Variants in KDM1B observed in about 807,000 individuals in gnomAD.
The protein encoded by KDM1B is lysine-specific histone demethylase 2.
A neutral mutation model predicts 107.4 loss-of-function variants in KDM1B; 63 were observed. That is an observed-to-expected ratio of 0.59 (90% CI 0.48 to 0.72). The LOEUF (loss-of-function observed/expected upper bound fraction) is 0.72. Ranked by LOEUF, KDM1B falls within the 30% of genes least tolerant of loss-of-function variation. KDM1B has a pLI of 0.00. For synonymous variants in KDM1B, 363 were observed against 363.9 expected (o/e 1.00, Z 0.03); for missense variants, 749 against 1,020.8 (o/e 0.73, Z 3.63).
intron 7 of KDM1B, among the ~76,000 whole-genome samples, chr6:18,177,328 T>C (rs1278469291): frequency 6.6e-6 from 1 of 152,082 alleles, no homozygotes; most frequent in East Asian, 1.9e-4. Flanking sequence ...TTTTTCTTAA[T>C]GAAGTTATTT....
In KDM1B at chr6:18,172,874, G is replaced by T. The variant is rs923315284; in HGVS notation, c.534+1395G>T. 6.6e-6 allele frequency among the ~76,000 whole-genome samples: 1 copy of T among 152,052 alleles called. No individual in the cohort carries two copies. The highest frequency in any genetic ancestry group is 1.5e-5 in the Non-Finnish European group (1 of 68,024). On this transcript the variant is annotated intron_variant, in intron 7 of 21. Transcript: ENST00000650836. The surrounding 1 kb of genome is among the most constrained non-coding windows in gnomAD (Gnocchi z 5.2). ...GGAGGCCGAGATGGGCGGATCACCCGAGGTCAGGAGTTCAAGACCAGCCTG... is the reference window on the plus strand; with the variant it reads ...GGAGGCCGAGATGGGCGGATCACCCTAGGTCAGGAGTTCAAGACCAGCCTG...
In KDM1B at chr6:18,222,095, G is replaced by A. The variant is rs1582236505; in HGVS notation, c.*103G>A. ...AGGGGGAAAAAACCGTCTCTACATA[G>A]TAAAACTGAAATGTTTCTAAGGCGA... is the stretch of plus-strand genomic sequence containing the variant. On this transcript the variant is annotated 3_prime_UTR_variant, in exon 22 of 22. Coordinates refer to ENST00000650836, the MANE Select transcript of KDM1B (RefSeq NM_001364614.2). 2.0e-6 allele frequency: 2 copies of A among 1,011,608 alleles called. No individual in the cohort carries two copies. Among genetic ancestry groups the A allele is most frequent in the Non-Finnish European group, 1.6e-6 (1 of 634,404 alleles). 62.7% of individuals were successfully genotyped at this position (1,011,608 alleles called of 1,614,324 possible).
At chr6:18,168,383 T>C (rs1037130227) in intron 6 of KDM1B, among the ~76,000 whole-genome samples, 20 of 152,226 alleles carry the variant, frequency 1.3e-4, no homozygotes, top group African/African-American at 4.8e-4. Context: ...GTATCTGACC[T>C]TTTTCACCTA....
rs150757038 is a variant in KDM1B at position 18,212,546 on chromosome 6, C to T, written c.1925C>T (p.Pro642Leu). ...LQKGAIQFNPPLSEKKMKAIN... is the reference protein window; with the variant it reads ...LQKGAIQFNPLLSEKKMKAIN... ...AAAGGTGCCATTCAGTTTAATCCAC[C>T]GTTGTCAGAGAAGAAGATGAAGGCT... The change falls in exon 18 of 22, where the codon CCG (proline) becomes CTG (leucine). Residue 642 changes from proline to leucine, a missense_variant. Physicochemically the swap from Pro to Leu is moderately conservative, Grantham distance 98 (BLOSUM62 -3). Coordinates refer to ENST00000650836, the MANE Select transcript of KDM1B (RefSeq NM_001364614.2). This position sits in a 1 kb window ranked among gnomAD's most constrained non-coding sequence, Gnocchi z 5.2. 1.8e-4 allele frequency: 295 copies of T among 1,614,110 alleles called. No homozygotes were observed. Among genetic ancestry groups the T allele is most frequent in the African/African-American group, 1.8e-3 (134 of 75,040 alleles).
intron 12 of KDM1B, among the ~76,000 whole-genome samples, chr6:18,199,008 GAAAA>G (rs70974711): frequency 2.7e-5 from 2 of 74,692 alleles, no homozygotes; most frequent in Non-Finnish European, 5.3e-5. Flanking sequence ...GTCTCTACCA[GAAAA>G]AAAAAAAAAA....
rs1788905631 is a variant in KDM1B, at chr6:18,212,298, C to T, written c.1867-190C>T. The stretch of plus-strand genomic sequence containing the variant: ...TATTCACCATCAGGACGTTTTTTGC[C>T]CACTCTTCCCTGTGGTTGCCACTTC... On this transcript the variant is annotated intron_variant, in intron 17 of 21. Transcript: ENST00000650836. The surrounding 1 kb of genome is among the most constrained non-coding windows in gnomAD (Gnocchi z 5.2). The T allele has an allele frequency of 4.8e-6, 3 of 619,020 alleles. No homozygotes were observed. The highest frequency in any genetic ancestry group is 1.9e-5 in the South Asian group (1 of 53,246). The allele number at this position is 619,020 out of a possible 1,614,324, so 38.3% of individuals were successfully genotyped here. A position where few individuals can be genotyped will look rare whatever the true frequency, so the allele number is the denominator to read the frequency against.
Position 18,197,210 on chromosome 6 carries a change from C to T in KDM1B, c.1123C>T (p.Leu375Phe). Residue 375 changes from leucine (L) to phenylalanine (F), a missense_variant, in exon 11 of 22, where the codon CTT (leucine) becomes TTT (phenylalanine). Physicochemically the swap from Leu to Phe is conservative, Grantham distance 22. Transcript: ENST00000650836. The surrounding 1 kb of genome is among the most constrained non-coding windows in gnomAD (Gnocchi z 4.5). ...GVLSVGADQYLLPKDYHNKSV... is the reference protein window; with the variant it reads ...GVLSVGADQYFLPKDYHNKSV... ...TCTCAGCGTGGGAGCCGACCAGTATCTTCTCCCTAAGGACTACCACAATGT... is the reference window on the plus strand; with the variant it reads ...TCTCAGCGTGGGAGCCGACCAGTATTTTCTCCCTAAGGACTACCACAATGT... 2 of 1,614,064 alleles carry T rather than the reference C, an allele frequency of 1.2e-6. No individual in the cohort carries two copies. Among genetic ancestry groups the T allele is most frequent in the Non-Finnish European group, 1.7e-6 (2 of 1,179,982 alleles).
chr6:18,188,046 C>T (rs1019780588), intron 9 of KDM1B, 44 bp downstream of exon 9: 2 of 1,502,508 alleles, frequency 1.3e-6, no homozygotes, highest in Non-Finnish European at 1.8e-6. Context: ...TTCCCCGCTC[C>T]CCTCCCTGAG....
chr6:18,192,452 A>T (rs1455173584), intron 10 of KDM1B, among the ~76,000 whole-genome samples: 1 of 152,132 alleles, frequency 6.6e-6, no homozygotes, highest in Non-Finnish European at 1.5e-5. Context: ...ACATAACCTG[A>T]TTAAGTTATG....
chr6:18,199,833 C>T (rs1238042721), intron 12 of KDM1B, among the ~76,000 whole-genome samples: 1 of 151,750 alleles, frequency 6.6e-6, no homozygotes, highest in Non-Finnish European at 1.5e-5. Flanking sequence ...TTATGGAATA[C>T]TATTTTATAA....
intron 9 of KDM1B, 99 bp downstream of exon 9, chr6:18,188,101 C>CCCAGCCTGCACATTT: frequency 1.8e-6 from 2 of 1,102,634 alleles, no homozygotes; most frequent in South Asian, 1.4e-5. Context: ...TTTAAATGTG[C>CCCAGCCTGCACATTT]AGGCTGGGCA....
intron 5 of KDM1B, among the ~76,000 whole-genome samples, chr6:18,163,290 G>C (rs938293567): frequency 6.6e-6 from 1 of 152,018 alleles, no homozygotes; most frequent in Non-Finnish European, 1.5e-5. Flanking sequence ...AAACTCCTGG[G>C]CTCAAAAGAT....
rs1161040624 is a variant in KDM1B at position 18,155,732 on chromosome 6, C to A, written c.-57-151C>A. On this transcript the variant is annotated intron_variant, in intron 1 of 21. Transcript: ENST00000650836. The surrounding 1 kb of genome is among the most constrained non-coding windows in gnomAD (Gnocchi z 6.2). ...TGGGCGGGTGCCCCAGGGACGGATA[C>A]CTCCTGCCCCGGATTAAAAGAGGGT... Among the ~76,000 whole-genome samples the A allele has an allele frequency of 1.3e-5, 2 of 152,218 alleles. No individual in the cohort carries two copies. Among genetic ancestry groups the A allele is most frequent in the East Asian group, 1.9e-4 (1 of 5,186 alleles).
At position 18,162,918 on chromosome 6, in the gene KDM1B, A is replaced by G; in HGVS notation, c.299A>G (p.Tyr100Cys). The change falls in exon 5 of 22, where the codon TAC becomes TGC. Residue 100 changes from tyrosine to cysteine, a missense_variant. Transcript: ENST00000650836. The surrounding 1 kb of genome is among the most constrained non-coding windows in gnomAD (Gnocchi z 4.1). ...HFCNECFDHY[Y>C]RSHKDGYDKY... ...TGTAATGAATGCTTTGACCATTACT[A>G]CAGAAGGTATGTTCACTAATTGTGT... The G allele has an allele frequency of 6.3e-7, 1 of 1,594,818 alleles. No homozygotes were observed. Among genetic ancestry groups the G allele is most frequent in the Non-Finnish European group, 8.6e-7 (1 of 1,162,456 alleles).
At chr6:18,216,567 A>T (rs1789252590) in intron 20 of KDM1B, among the ~76,000 whole-genome samples, 1 of 152,158 alleles carries the variant, frequency 6.6e-6, no homozygotes, top group Admixed American at 6.5e-5. Flanking sequence ...CTCTTACTCG[A>T]GGCTTTGCTT....
chr6:18,160,138 A>G (rs1166385605), intron 3 of KDM1B, among the ~76,000 whole-genome samples, 156 bp downstream of exon 3: 2 of 152,246 alleles, frequency 1.3e-5, no homozygotes, highest in African/African-American at 4.8e-5. Flanking sequence ...GTGTGATAAC[A>G]TGATAGAATA....
At chr6:18,160,822 A>G (rs1208012874) in intron 3 of KDM1B, among the ~76,000 whole-genome samples, 5 of 133,222 alleles carry the variant, frequency 3.8e-5, no homozygotes, top group African/African-American at 1.1e-4. Context: ...TTTTTGACTC[A>G]TGTCACTTTT....
At chr6:18,170,075 ATT>A in intron 6 of KDM1B, among the ~76,000 whole-genome samples, 1 of 151,240 alleles carries the variant, frequency 6.6e-6, no homozygotes, top group Admixed American at 6.6e-5. Flanking sequence ...CGCCCAGCTA[ATT>A]TTTTTATATT....
intron 20 of KDM1B, among the ~76,000 whole-genome samples, chr6:18,217,480 G>A (rs374893326): frequency 3.0e-4 from 45 of 150,484 alleles, no homozygotes; most frequent in African/African-American, 9.0e-4. Context: ...CTGGGTTCAC[G>A]CCATTCTCCT....
Sources: gnomAD v4.1 joint callset for allele counts (sites outside exome capture counted in the v4.1 genomes callset) on GRCh38, gnomAD v4.1.1 for gene constraint, Gnocchi (gnomAD v3.1) non-coding constraint, MANE v1.5 for transcripts, NCBI Gene and HGNC (gene_info 2026-07-23, HGNC 2026-07-21) for gene names.